Variants in ATP8B3 observed in about 807,000 individuals in gnomAD.
The protein encoded by ATP8B3 is phospholipid-transporting ATPase IK.
In ATP8B3, 141 loss-of-function variants were observed where a neutral mutation model predicts 140.9. The observed-to-expected ratio is 1.00, with a 90% confidence interval of 0.87 to 1.15. The LOEUF (loss-of-function observed/expected upper bound fraction) is 1.15. ATP8B3 is among the 50% of genes most tolerant of loss of function. The pLI is 0.00. For synonymous variants in ATP8B3, 765 were observed against 714.6 expected (o/e 1.07, Z -1.13); for missense variants, 1,874 against 1,740.6 (o/e 1.08, Z -1.36).
At chr19:1,783,746 G>A (rs2068224800) in intron 28 of ATP8B3, among the ~76,000 whole-genome samples, 1 of 152,232 alleles carries the variant, frequency 6.6e-6, no homozygotes, top group Admixed American at 6.5e-5. Flanking sequence ...AGAGGTGGCA[G>A]GGCAGGTACA....
chr19:1,790,867 C>G, intron 20 of ATP8B3, 35 bp from the exon 21 acceptor site: 1 of 1,557,688 alleles, frequency 6.4e-7, no homozygotes, highest in Non-Finnish European at 8.7e-7. Context: ...CTCTGCGACC[C>G]GCCCCGCACT....
rs1487475396 is a variant in ATP8B3 at position 1,806,015 on chromosome 19, C to T, written c.751-57G>A. The T allele has an allele frequency of 3.6e-5, 58 of 1,605,908 alleles. No homozygotes were observed. The highest frequency in any genetic ancestry group is 4.6e-5 in the Non-Finnish European group (54 of 1,176,438). ...GGGGATGCAAGACAAATTGGGGGTG[C>T]GGCAGCCCTCCCCACCCTGGGAGGG... On this transcript the variant is annotated intron_variant, in intron 8 of 28. Transcript: ENST00000310127. This position sits in a 1 kb window ranked among gnomAD's most constrained non-coding sequence, Gnocchi z 5.6.
At chr19:1,785,128 C>A (rs1245120293) in intron 27 of ATP8B3, 31 bp downstream of exon 27, 2 of 1,516,338 alleles carry the variant, frequency 1.3e-6, no homozygotes, top group Middle Eastern at 1.8e-4. Context: ...TGCACCACGA[C>A]CGCCCGTCCC....
At position 1,785,143 on chromosome 19, in the gene ATP8B3, C is replaced by T. The variant is rs1317964362; in HGVS notation, c.3532+16G>A. 6.5e-7 allele frequency: 1 copy of T among 1,545,260 alleles called. No individual in the cohort carries two copies. Among genetic ancestry groups the T allele is most frequent in the Admixed American group, 2.1e-5 (1 of 48,592 alleles). ...TGCACCACGACCGCCCGTCCCACTT[C>T]CCCATGGGGGCTCACACAGAAACGG... On this transcript the variant is annotated intron_variant, in intron 27 of 28. Transcript: ENST00000310127.
rs374287800 is a variant in ATP8B3 at position 1,785,276 on chromosome 19, A to G, written c.3415T>C (p.Trp1139Arg). ...TMEVILIIKY[W>R]TALCVATILL... ...ATGGTCGCCACGCACAGGGCGGTCC[A>G]GTACTTGATGATAAGAATGACCTGG... The change falls in exon 27 of 29, where the codon TGG becomes CGG. Residue 1139 changes from tryptophan (W) to arginine (R), a missense_variant. Transcript: ENST00000310127. 59 of 1,603,932 alleles carry G rather than the reference A, an allele frequency of 3.7e-5. No homozygotes were observed. The highest frequency in any genetic ancestry group is 4.8e-5 in the Non-Finnish European group (57 of 1,175,322).
At chr19:1,786,039 A>T (rs1226562288) in intron 25 of ATP8B3, among the ~76,000 whole-genome samples, 2 of 152,192 alleles carry the variant, frequency 1.3e-5, no homozygotes, top group Admixed American at 1.3e-4. Flanking sequence ...CGGCTGAGGC[A>T]GGAGGATCAT....
intron 23 of ATP8B3, 37 bp from the exon 24 acceptor site, chr19:1,789,157 C>T: frequency 7.9e-7 from 1 of 1,273,302 alleles, no homozygotes; most frequent in Non-Finnish European, 1.1e-6. Context: ...CCCCCGCACG[C>T]CCCCAGTCCC....
At position 1,806,502 on chromosome 19, in the gene ATP8B3, T is replaced by C. The variant is rs2069025118; in HGVS notation, c.677+126A>G. ...GCCTAATGAATGCAGGCCCGGTTCC[T>C]GTCGGACTCAACCAGCCGGGAGATC... On this transcript the variant is annotated intron_variant, in intron 7 of 28. Coordinates refer to ENST00000310127, the MANE Select transcript of ATP8B3 (RefSeq NM_138813.4). The surrounding 1 kb of genome is among the most constrained non-coding windows in gnomAD (Gnocchi z 5.6). 1 of 1,496,958 alleles carries C rather than the reference T, an allele frequency of 6.7e-7. No individual in the cohort carries two copies. The highest frequency in any genetic ancestry group is 1.4e-5 in the African/African-American group (1 of 72,424). The allele number at this position is 1,496,958 out of a possible 1,614,324, so 92.7% of individuals were successfully genotyped here. A position where few individuals can be genotyped will look rare whatever the true frequency, so the allele number is the denominator to read the frequency against.
At position 1,805,393 on chromosome 19, in the gene ATP8B3, C is replaced by T; in HGVS notation, c.885G>A (p.Lys295=). ...TCTCACCTTGAAAGGACGCCATCTTCTTTATAGTGGCCAGTTCTTTGTGGG... is the reference window on the plus strand; with the variant it reads ...TCTCACCTTGAAAGGACGCCATCTTTTTTATAGTGGCCAGTTCTTTGTGGG... The part of the protein sequence containing the change: ...MVTHKELATI[K]KMASFQGTVT... Residue 295 remains lysine, a synonymous_variant, in exon 10 of 29, where the codon AAG becomes AAA. Transcript: ENST00000310127. This position sits in a 1 kb window ranked among gnomAD's most constrained non-coding sequence, Gnocchi z 5.2. The T allele has an allele frequency of 6.4e-7, 1 of 1,568,090 alleles. No homozygotes were observed. Among genetic ancestry groups the T allele is most frequent in the Non-Finnish European group, 8.7e-7 (1 of 1,154,216 alleles).
At position 1,811,710 on chromosome 19, in the gene ATP8B3, G is replaced by A. The variant is rs553725834; in HGVS notation, c.27C>T (p.Pro9=). 3 of 1,602,242 alleles carry A rather than the reference G, an allele frequency of 1.9e-6. No homozygotes were observed. Among genetic ancestry groups the A allele is most frequent in the South Asian group, 1.1e-5 (1 of 90,830 alleles). MGTGPAQT[P]RSTRAGPEPS... is the part of the protein sequence containing the mutation. The stretch of plus-strand genomic sequence containing the variant: ...GCTCAGGGCCAGCTCTGGTGCTCCT[G>A]GGAGTCTGAGCGGGGCCAGTGCCCA... The change falls in exon 2 of 29, where the codon CCC becomes CCT. Residue 9 remains proline (P), a synonymous_variant. Coordinates refer to ENST00000310127, the MANE Select transcript of ATP8B3 (RefSeq NM_138813.4).
chr19:1,801,618 G>A (rs911094976), intron 12 of ATP8B3, among the ~76,000 whole-genome samples: 1 of 152,032 alleles, frequency 6.6e-6, no homozygotes, highest in African/African-American at 2.4e-5. Context: ...CAGGCGTGGC[G>A]GCGTGCACCT....
intron 3 of ATP8B3, 104 bp downstream of exon 3, chr19:1,810,518 C>T (rs1484515125): frequency 5.1e-6 from 6 of 1,170,210 alleles, no homozygotes; most frequent in Admixed American, 2.7e-5. Flanking sequence ...CCCGCCTCAG[C>T]CTCCCAAAGT....
chr19:1,791,678 C>A, intron 20 of ATP8B3, 72 bp downstream of exon 20: 1 of 1,183,316 alleles, frequency 8.5e-7, no homozygotes, highest in Non-Finnish European at 1.2e-6. Flanking sequence ...CAGGTGTGAG[C>A]CTTCAAACTT....
At position 1,800,801 on chromosome 19, in the gene ATP8B3, G is replaced by T. The variant is rs1322266214; in HGVS notation, c.1153-352C>A. 6.6e-6 allele frequency among the ~76,000 whole-genome samples: 1 copy of T among 151,342 alleles called. No homozygotes were observed. Among genetic ancestry groups the T allele is most frequent in the Admixed American group, 6.6e-5 (1 of 15,120 alleles). On this transcript the variant is annotated intron_variant, in intron 12 of 28. Transcript: ENST00000310127. This position sits in a 1 kb window ranked among gnomAD's most constrained non-coding sequence, Gnocchi z 4.4. ...CCACTGCACTCCATCCTGGGCAATA[G>T]AGTGAGATAGAAAAACTTTTTTTTT... is the stretch of plus-strand genomic sequence containing the variant.
At chr19:1,810,160 A>G (rs2069146652) in intron 3 of ATP8B3, among the ~76,000 whole-genome samples, 1 of 152,264 alleles carries the variant, frequency 6.6e-6, no homozygotes, top group African/African-American at 2.4e-5. Context: ...AAACCCAGTC[A>G]GTACTAGGGT....
intron 3 of ATP8B3, among the ~76,000 whole-genome samples, 187 bp downstream of exon 3, chr19:1,810,435 C>G (rs2069154286): frequency 6.6e-6 from 1 of 152,166 alleles, no homozygotes; most frequent in African/African-American, 2.4e-5. Context: ...CCCAGCTAAT[C>G]TTCGTACTTT....
intron 2 of ATP8B3, 30 bp from the exon 3 acceptor site, chr19:1,810,713 C>A: frequency 6.2e-7 from 1 of 1,603,040 alleles, no homozygotes; most frequent in Non-Finnish European, 8.5e-7. Flanking sequence ...CGGGTCACAG[C>A]AGTGACCCCA....
At position 1,784,796 on chromosome 19, in the gene ATP8B3, CCCCAGG is replaced by C. The variant is rs1411367422; in HGVS notation, c.3660+17_3660+22del. On this transcript the variant is annotated intron_variant, in intron 28 of 28. Coordinates refer to ENST00000310127, the MANE Select transcript of ATP8B3 (RefSeq NM_138813.4). Reference sequence around the variant, plus strand: ...GGTCCTGGAATGTACCAGATGAGGACCCCAGGCCCAGGCCCACCTCACCTTGGCACG... The same window carrying C: ...GGTCCTGGAATGTACCAGATGAGGACCCCAGGCCCACCTCACCTTGGCACG... 3 of 1,577,492 alleles carry C rather than the reference CCCCAGG, an allele frequency of 1.9e-6. No homozygotes were observed. Among genetic ancestry groups the C allele is most frequent in the Admixed American group, 1.8e-5 (1 of 54,934 alleles).
intron 14 of ATP8B3, 89 bp downstream of exon 14, chr19:1,799,858 A>T: frequency 7.7e-7 from 1 of 1,304,472 alleles, no homozygotes; most frequent in South Asian, 1.3e-5. Context: ...GGTGCTGGGC[A>T]TGGGGCCAGA....
Sources: allele counts gnomAD v4.1 joint callset (sites outside exome capture counted in the v4.1 genomes callset), GRCh38; gene constraint gnomAD v4.1.1; non-coding constraint Gnocchi (gnomAD v3.1); transcripts MANE v1.5; gene names NCBI Gene and HGNC (gene_info 2026-07-23, HGNC 2026-07-21).